Variants in ZNF292 observed in about 807,000 individuals in gnomAD.
ZNF292 encodes zinc finger protein 292.
In ZNF292, 26 loss-of-function variants were observed where a neutral mutation model predicts 217.9. That is an observed-to-expected ratio of 0.12 (90% CI 0.09 to 0.17). ZNF292 has a LOEUF of 0.17. Among genes scored for constraint, ZNF292 ranks in the 10% least tolerant of loss-of-function variants. The probability of loss-of-function intolerance (pLI) is 1.00; values close to 1 mark genes in which losing one functional copy is unlikely to be tolerated. For synonymous variants in ZNF292, 1,257 were observed against 1,124.1 expected (o/e 1.12, Z -2.37); for missense variants, 2,904 against 3,175.2 (o/e 0.91, Z 2.05).
At chr6:87,240,640 C>G (rs956536693) in intron 5 of ZNF292, among the ~76,000 whole-genome samples, 3 of 152,036 alleles carry the variant, frequency 2.0e-5, no homozygotes, top group Non-Finnish European at 4.4e-5. Context: ...AGGCTGGTCT[C>G]GAACTCCTGA....
intron 1 of ZNF292, among the ~76,000 whole-genome samples, chr6:87,176,675 A>G (rs955466442): frequency 1.3e-5 from 2 of 152,038 alleles, no homozygotes; most frequent in Non-Finnish European, 1.5e-5. Flanking sequence ...CCAACTCATC[A>G]TTATGTCTGA....
At chr6:87,228,701 A>T (rs1230998889) in intron 4 of ZNF292, among the ~76,000 whole-genome samples, 1 of 152,114 alleles carries the variant, frequency 6.6e-6, no homozygotes, top group Non-Finnish European at 1.5e-5. Context: ...TTCCCCATTG[A>T]GTCACCTTGG....
intron 7 of ZNF292, among the ~76,000 whole-genome samples, chr6:87,250,645 A>G (rs1295463623): frequency 6.6e-6 from 1 of 152,218 alleles, no homozygotes; most frequent in Non-Finnish European, 1.5e-5. Context: ...CATTTTATAT[A>G]AGGGACTTGA....
chr6:87,215,776 A>G (rs1030436111), intron 1 of ZNF292, 127 bp from the exon 2 acceptor site: 2 of 653,562 alleles, frequency 3.1e-6, no homozygotes, highest in African/African-American at 3.8e-5. Flanking sequence ...TAATCAATAT[A>G]AACTACTTTT....
intron 1 of ZNF292, among the ~76,000 whole-genome samples, chr6:87,203,655 T>G (rs1341447640): frequency 1.3e-5 from 2 of 151,782 alleles, no homozygotes; most frequent in African/African-American, 2.4e-5. Context: ...GATTGAGTAG[T>G]AGCATCATGT....
chr6:87,178,580 T>C (rs1771374444), intron 1 of ZNF292, among the ~76,000 whole-genome samples: 1 of 152,202 alleles, frequency 6.6e-6, no homozygotes, highest in South Asian at 2.1e-4. Flanking sequence ...GTGTGTTGTG[T>C]ATGTCTGCCT....
chr6:87,239,653 G>A (rs1302274752), intron 5 of ZNF292, among the ~76,000 whole-genome samples: 71 of 123,698 alleles, frequency 5.7e-4, no homozygotes, highest in African/African-American at 2.3e-3. Context: ...CCGGGCGGAG[G>A]GGCTCCTCAC....
chr6:87,246,405 T>C (rs1324535039), intron 7 of ZNF292, among the ~76,000 whole-genome samples: 1 of 152,210 alleles, frequency 6.6e-6, no homozygotes, highest in African/African-American at 2.4e-5. Flanking sequence ...GCAGCTGAGA[T>C]TGCAGGAATA....
In ZNF292 at chr6:87,218,746, G is replaced by A. The variant is rs1354675646; in HGVS notation, c.538+15G>A. 1.9e-6 allele frequency: 3 copies of A among 1,553,834 alleles called. No individual in the cohort carries two copies. The highest frequency in any genetic ancestry group is 4.3e-5 in the Admixed American group (2 of 46,182). On this transcript the variant is annotated intron_variant, in intron 4 of 7. Transcript: ENST00000369577. ...TAAGGATAAAGGTAAATTTTCGAGA[G>A]ACAGAGAAAAAAAAGAATAATTAGA...
intron 1 of ZNF292, among the ~76,000 whole-genome samples, chr6:87,209,575 A>C (rs1562141555): frequency 1.3e-5 from 2 of 152,218 alleles, no homozygotes; most frequent in South Asian, 4.1e-4. Flanking sequence ...CAAAGTTTAC[A>C]TGATGTGTGG....
chr6:87,185,649 G>T (rs1488680964), intron 1 of ZNF292, among the ~76,000 whole-genome samples: 1 of 151,966 alleles, frequency 6.6e-6, no homozygotes, highest in African/African-American at 2.4e-5. Context: ...TTGTATTTTT[G>T]ATAGAGATGG....
At chr6:87,192,807 G>A (rs1476389040) in intron 1 of ZNF292, among the ~76,000 whole-genome samples, 2 of 151,852 alleles carry the variant, frequency 1.3e-5, no homozygotes, top group African/African-American at 4.8e-5. Flanking sequence ...TTACTTTTTT[G>A]TGAGATCTTG....
At chr6:87,224,128 T>G (rs1320001854) in intron 4 of ZNF292, among the ~76,000 whole-genome samples, 1 of 152,186 alleles carries the variant, frequency 6.6e-6, no homozygotes, top group Non-Finnish European at 1.5e-5. Flanking sequence ...GGAAAAAACT[T>G]TATTAACTAC....
At chr6:87,184,113 G>A (rs994705748) in intron 1 of ZNF292, among the ~76,000 whole-genome samples, 8 of 152,136 alleles carry the variant, frequency 5.3e-5, no homozygotes, top group Admixed American at 6.5e-5. Context: ...TGCATATAAC[G>A]AATTAGAACT....
At chr6:87,202,813 G>A (rs1772133839) in intron 1 of ZNF292, among the ~76,000 whole-genome samples, 1 of 151,352 alleles carries the variant, frequency 6.6e-6, no homozygotes, top group East Asian at 1.9e-4. Context: ...CATACAGTAA[G>A]GGGGGAGAGA....
chr6:87,178,500 T>C (rs894170316), intron 1 of ZNF292, among the ~76,000 whole-genome samples: 6 of 152,198 alleles, frequency 3.9e-5, no homozygotes, highest in Non-Finnish European at 8.8e-5. Flanking sequence ...CAAATGTGAG[T>C]GTATAATAAG....
chr6:87,183,934 G>T (rs1002708751), intron 1 of ZNF292, among the ~76,000 whole-genome samples: 1 of 152,152 alleles, frequency 6.6e-6, no homozygotes, highest in East Asian at 1.9e-4. Context: ...ATATGCAGTT[G>T]CCCAGAGAGC....
At chr6:87,245,939 AT>A (rs1166485115) in intron 7 of ZNF292, among the ~76,000 whole-genome samples, 1 of 152,230 alleles carries the variant, frequency 6.6e-6, no homozygotes, top group East Asian at 1.9e-4. Context: ...GGCTATAGAA[AT>A]TTAAAAAGTA....
chr6:87,199,802 A>G (rs1242401469), intron 1 of ZNF292, among the ~76,000 whole-genome samples: 1 of 152,246 alleles, frequency 6.6e-6, no homozygotes, highest in African/African-American at 2.4e-5. Context: ...ATAAATGACT[A>G]AGGGAAAACC....
Sources: gnomAD v4.1 joint callset for allele counts (sites outside exome capture counted in the v4.1 genomes callset) on GRCh38, gnomAD v4.1.1 for gene constraint, MANE v1.5 for transcripts, NCBI Gene and HGNC (gene_info 2026-07-23, HGNC 2026-07-21) for gene names.